PAK6: variants seen among roughly 807,000 people sequenced by gnomAD.
The protein encoded by PAK6 is serine/threonine-protein kinase PAK 6.
In PAK6, 33 loss-of-function variants were observed where a neutral mutation model predicts 60.8. That is an observed-to-expected ratio of 0.54 (90% CI 0.41 to 0.73). The LOEUF is 0.73. PAK6 is among the 30% of genes least tolerant of loss of function. The pLI is 0.00. For synonymous variants in PAK6, 404 were observed against 378.5 expected, an observed-to-expected ratio of 1.07 and a Z score of -0.78; for missense variants, 845 against 904.1, an observed-to-expected ratio of 0.93 and a Z score of 0.84.
chr15:40,259,399 C>T (rs563104264), intron 3 of PAK6: 3 of 152,220 alleles, frequency 2.0e-5, no homozygotes, highest in South Asian at 2.1e-4. Context: ...GTGATTCACT[C>T]GCGATGACTG....
intron 3 of PAK6, chr15:40,259,853 CTTAGAAAAAGA>C (rs1413542736): frequency 1.4e-5 from 2 of 140,648 alleles, no homozygotes; most frequent in East Asian, 4.3e-4. Flanking sequence ...TTAAGGAAAA[CTTAGAAAAAGA>C]GTAGAAAGAT....
At chr15:40,261,042 C>A (rs955938495) in intron 3 of PAK6, among the ~76,000 whole-genome samples, 10 of 151,838 alleles carry the variant, frequency 6.6e-5, no homozygotes, top group African/African-American at 2.2e-4. Context: ...GTGCCCACCA[C>A]CACACCCGGC....
chr15:40,247,579 C>T (rs969687755), intron 2 of PAK6, among the ~76,000 whole-genome samples: 21 of 152,198 alleles, frequency 1.4e-4, no homozygotes, highest in Non-Finnish European at 2.5e-4. Context: ...TATATATTCT[C>T]GTTGGCACAG....
At chr15:40,265,719 G>A (rs2039107355) in intron 4 of PAK6, 123 bp from the exon 5 acceptor site, 1 of 792,756 alleles carries the variant, frequency 1.3e-6, no homozygotes, top group Admixed American at 3.3e-5. Context: ...TGACACAGCA[G>A]GGAAGGTCCT....
chr15:40,270,476 G>A (rs2039270311), intron 5 of PAK6, among the ~76,000 whole-genome samples: 1 of 152,200 alleles, frequency 6.6e-6, no homozygotes. Flanking sequence ...ACACGTCCCT[G>A]CATTGTAGTG....
intron 3 of PAK6, chr15:40,259,257 C>G (rs911450289): frequency 2.0e-5 from 3 of 152,310 alleles, no homozygotes; most frequent in African/African-American, 7.2e-5. Context: ...CCTCCCTCAG[C>G]CCAGTGGCCT....
At chr15:40,268,975 G>A (rs967800565) in intron 5 of PAK6, among the ~76,000 whole-genome samples, 2 of 152,218 alleles carry the variant, frequency 1.3e-5, no homozygotes, top group Non-Finnish European at 1.5e-5. Context: ...ACATGAGATA[G>A]TACGTTGAAG....
At position 40,252,605 on chromosome 15, in the gene PAK6, G is replaced by C. The variant is rs1033505269; in HGVS notation, c.-117-573G>C. On this transcript the variant is annotated intron_variant, in intron 2 of 10. Coordinates refer to ENST00000560346, the Ensembl canonical transcript of PAK6. The stretch of plus-strand genomic sequence containing the variant: ...CAACGTGTAAGCGCGGCCCCTCCTC[G>C]GCGTTCCCGCGCCGAGGTCCCTCCC... The C allele has an allele frequency of 5.9e-6, 8 of 1,350,836 alleles. No individual in the cohort carries two copies. The African/African-American group carries it at 1.0e-4, about 17-fold the overall frequency. The allele number at this position is 1,350,836 out of a possible 1,614,324, so 83.7% of individuals were successfully genotyped here. A position where few individuals can be genotyped will look rare whatever the true frequency, so the allele number is the denominator to read the frequency against.
chr15:40,241,329 G>A (rs913536207), intron 2 of PAK6, among the ~76,000 whole-genome samples: 1 of 152,196 alleles, frequency 6.6e-6, no homozygotes, highest in African/African-American at 2.4e-5. Flanking sequence ...ACACCAAGAG[G>A]TTTGTGCCGT....
chr15:40,262,360 C>T (rs1256740577), intron 3 of PAK6, among the ~76,000 whole-genome samples: 2 of 152,050 alleles, frequency 1.3e-5, no homozygotes, highest in African/African-American at 2.4e-5. Context: ...AAAAATTAGC[C>T]GGGTATGTTG....
At chr15:40,251,460 T>C (rs1308121229) in intron 2 of PAK6, 1 of 152,350 alleles carries the variant, frequency 6.6e-6, no homozygotes, top group Admixed American at 6.5e-5. Context: ...ATGCAAAAGA[T>C]TGAGCCGTGA....
chr15:40,248,078 G>C (rs1395070817), intron 2 of PAK6, among the ~76,000 whole-genome samples: 1 of 152,134 alleles, frequency 6.6e-6, no homozygotes, highest in Non-Finnish European at 1.5e-5. Flanking sequence ...CATGCATCAG[G>C]AAACTGAGGC....
intron 2 of PAK6, chr15:40,252,356 G>T (rs1439508356): frequency 5.4e-6 from 7 of 1,301,240 alleles, no homozygotes; most frequent in Non-Finnish European, 7.0e-6. Flanking sequence ...GGTCCCCGCG[G>T]CTGTGGCCAG....
chr15:40,276,789 T>TGTGTGTGTGTGTGTGTG (rs67205800), exon 11 of PAK6: 1 of 146,162 alleles, frequency 6.8e-6, no homozygotes, highest in African/African-American at 2.6e-5. Flanking sequence ...TGTGTGTGTG[T>TGTGTGTGTGTGTGTGTG]AAGGGGAGGA....
exon 5 of PAK6, chr15:40,266,477 C>A (rs2039141201): frequency 6.2e-7 from 1 of 1,607,048 alleles, no homozygotes; most frequent in South Asian, 1.1e-5. Context: ...GCAAGCCAGG[C>A]CCTCCACCAC....
At chr15:40,240,562 C>CTTTTTTTTTTCTTT in intron 1 of PAK6, 37 bp from the exon 2 acceptor site, 1 of 320,512 alleles carries the variant, frequency 3.1e-6, no homozygotes, top group South Asian at 2.1e-5. Flanking sequence ...TTTTCTTTTC[C>CTTTTTTTTTTCTTT]TTTTTTTTTT....
At position 40,271,432 on chromosome 15, in the gene PAK6, A is replaced by G. The variant is rs577457723; in HGVS notation, c.859-792A>G. Among the ~76,000 whole-genome samples the G allele has an allele frequency of 5.3e-5, 8 of 152,216 alleles. No homozygotes were observed. The South Asian group carries it at 1.7e-3, about 32-fold the overall frequency. On this transcript the variant is annotated intron_variant, in intron 5 of 10. Coordinates refer to ENST00000560346, the Ensembl canonical transcript of PAK6. ...CCTCCCTCCCGGGGGCTCCTTAGCC[A>G]GGAGTTTCATGCCAGGGAGGAAGTG...
intron 3 of PAK6, 85 bp downstream of exon 3, chr15:40,253,374 G>A (rs1376266869): frequency 7.2e-6 from 3 of 419,364 alleles, no homozygotes; most frequent in African/African-American, 4.1e-5. Flanking sequence ...GCAGGCAGGT[G>A]GCCCTCCTGG....
chr15:40,267,812 G>GC (rs1471285393), intron 5 of PAK6, among the ~76,000 whole-genome samples: 1 of 152,222 alleles, frequency 6.6e-6, no homozygotes, highest in Non-Finnish European at 1.5e-5. Flanking sequence ...GGAAGGCTGT[G>GC]CCCCTGGGGA....
Sources: gnomAD v4.1 joint callset for allele counts (sites outside exome capture counted in the v4.1 genomes callset) on GRCh38, gnomAD v4.1.1 for gene constraint, MANE v1.5 for transcripts, NCBI Gene and HGNC (gene_info 2026-07-23, HGNC 2026-07-21) for gene names.